SLC25A13: variants seen among roughly 807,000 people sequenced by gnomAD.
The protein encoded by SLC25A13 is electrogenic aspartate/glutamate antiporter SLC25A13, mitochondrial.
In SLC25A13, 70 loss-of-function variants were observed where a neutral mutation model predicts 85.5. That is an observed-to-expected ratio of 0.82 (90% CI 0.68 to 1.00). SLC25A13 has a LOEUF of 1.00. Among genes scored for constraint, SLC25A13 ranks in the 50% least tolerant of loss-of-function variants. The pLI, the probability that SLC25A13 is intolerant of heterozygous loss-of-function variation, is 0.00. For synonymous variants in SLC25A13, 259 were observed against 288.7 expected (o/e 0.90, Z 1.04); for missense variants, 765 against 819.8 (o/e 0.93, Z 0.82).
At chr7:96,257,170 A>G (rs2116883208) in intron 3 of SLC25A13, among the ~76,000 whole-genome samples, 1 of 152,324 alleles carries the variant, frequency 6.6e-6, no homozygotes, top group South Asian at 2.1e-4. Flanking sequence ...AGCAAGAGCA[A>G]ACACATTCGA....
intron 2 of SLC25A13, among the ~76,000 whole-genome samples, chr7:96,280,145 A>C (rs534712445): frequency 6.6e-6 from 1 of 152,188 alleles, no homozygotes; most frequent in Non-Finnish European, 1.5e-5. Flanking sequence ...TTGCAAGATT[A>C]CATGCTATAA....
In SLC25A13 at chr7:96,185,003, T is replaced by C. The variant is rs752114544; in HGVS notation, c.942A>G (p.Ser314=). Residue 314 remains serine (S), a synonymous_variant, in exon 10 of 18, where the codon TCA becomes TCG. Transcript: ENST00000265631. The part of the protein sequence containing the change: ...NLAEAQRQKA[S]GDSARPVLLQ... Reference sequence around the variant, plus strand: ...GAAGAACTGGTCGAGCTGAATCACCTGAGGCCTTCTGCTTTGCATGCACAG... The same window carrying C: ...GAAGAACTGGTCGAGCTGAATCACCCGAGGCCTTCTGCTTTGCATGCACAG... 1 of 1,613,890 alleles carries C rather than the reference T, an allele frequency of 6.2e-7. No homozygotes were observed. The highest frequency in any genetic ancestry group is 8.5e-7 in the Non-Finnish European group (1 of 1,179,900).
rs80338715 is a variant in SLC25A13 at position 96,321,942 on chromosome 7, C to T, written c.15G>A (p.Lys5=). 10 of 1,539,012 alleles carry T rather than the reference C, an allele frequency of 6.5e-6. No homozygotes were observed. In the East Asian group the frequency reaches 2.3e-4, roughly 36 times the overall value. Residue 5 remains lysine, a splice_region_variant and synonymous_variant, in exon 1 of 18, where the codon AAG becomes AAA. Transcript: ENST00000265631. ...CCCCCGGCCTCGGGCCCGCGGTTAC[C>T]TTGGCGGCCGCCATGATTCGCCCCG... MAAA[K]VALTKRADPA...
At chr7:96,162,333 T>TC (rs1793539687) in intron 13 of SLC25A13, among the ~76,000 whole-genome samples, 1 of 152,178 alleles carries the variant, frequency 6.6e-6, no homozygotes, top group African/African-American at 2.4e-5. Flanking sequence ...TGACTTTGAG[T>TC]ATATTTTATG....
At chr7:96,295,438 CAA>C (rs1158662214) in intron 2 of SLC25A13, among the ~76,000 whole-genome samples, 16 of 152,122 alleles carry the variant, frequency 1.1e-4, no homozygotes, top group Non-Finnish European at 4.4e-5. Flanking sequence ...TTCCCAATTT[CAA>C]AAGTTATCAT....
At chr7:96,205,286 G>A (rs1280376397) in intron 5 of SLC25A13, among the ~76,000 whole-genome samples, 1 of 152,166 alleles carries the variant, frequency 6.6e-6, no homozygotes, top group African/African-American at 2.4e-5. Flanking sequence ...AAAATACAAA[G>A]AATATTAAAA....
At chr7:96,125,522 C>T (rs765528317) in intron 15 of SLC25A13, among the ~76,000 whole-genome samples, 2 of 152,170 alleles carry the variant, frequency 1.3e-5, no homozygotes, top group South Asian at 2.1e-4. Context: ...AACATAATTA[C>T]GACTCAAGAC....
At chr7:96,237,218 T>C (rs1796777647) in intron 3 of SLC25A13, among the ~76,000 whole-genome samples, 1 of 152,246 alleles carries the variant, frequency 6.6e-6, no homozygotes, top group African/African-American at 2.4e-5. Context: ...CAATAAACTT[T>C]CTTGCTGCAA....
At chr7:96,221,198 T>C (rs1044287348) in intron 4 of SLC25A13, among the ~76,000 whole-genome samples, 1 of 152,172 alleles carries the variant, frequency 6.6e-6, no homozygotes, top group South Asian at 2.1e-4. Flanking sequence ...CTGGAACAGT[T>C]TCTGGACAGT....
chr7:96,168,617 A>G (rs963051638), intron 13 of SLC25A13, among the ~76,000 whole-genome samples: 2 of 152,046 alleles, frequency 1.3e-5, no homozygotes, highest in African/African-American at 4.8e-5. Context: ...AAGAAAATAA[A>G]CCTCTGGGCA....
intron 5 of SLC25A13, among the ~76,000 whole-genome samples, chr7:96,208,218 C>T (rs1259511087): frequency 6.6e-6 from 1 of 152,156 alleles, no homozygotes; most frequent in East Asian, 1.9e-4. Flanking sequence ...TTTTGCCCCT[C>T]CTGATCTAAG....
At chr7:96,207,350 A>T (rs975662901) in intron 5 of SLC25A13, among the ~76,000 whole-genome samples, 5 of 152,106 alleles carry the variant, frequency 3.3e-5, no homozygotes, top group African/African-American at 1.2e-4. Context: ...ACACCACAAA[A>T]TCTTTACCAA....
intron 11 of SLC25A13, among the ~76,000 whole-genome samples, chr7:96,179,165 G>A (rs1254353045): frequency 1.3e-5 from 2 of 152,164 alleles, no homozygotes; most frequent in Non-Finnish European, 1.5e-5. Flanking sequence ...TAGAAGTAAA[G>A]AGAATTGGGG....
chr7:96,125,382 G>C (rs796137902), intron 15 of SLC25A13, among the ~76,000 whole-genome samples: 12 of 152,312 alleles, frequency 7.9e-5, no homozygotes, highest in African/African-American at 2.9e-4. Context: ...ATGAGCTACT[G>C]TGCTGGGCCC....
chr7:96,190,628 T>A (rs1000844991), intron 7 of SLC25A13, among the ~76,000 whole-genome samples: 7 of 149,510 alleles, frequency 4.7e-5, no homozygotes, highest in African/African-American at 1.8e-4. Flanking sequence ...TTATTTATTT[T>A]TGAGATGGCA....
intron 3 of SLC25A13, among the ~76,000 whole-genome samples, chr7:96,257,832 C>T (rs1175099950): frequency 6.6e-6 from 1 of 152,286 alleles, no homozygotes; most frequent in East Asian, 1.9e-4. Flanking sequence ...TACTGGCAAA[C>T]CAAATCCAGC....
intron 2 of SLC25A13, among the ~76,000 whole-genome samples, chr7:96,296,168 A>C (rs1799337443): frequency 6.6e-6 from 1 of 152,012 alleles, no homozygotes; most frequent in African/African-American, 2.4e-5. Context: ...TCATAAAGTG[A>C]TGATAATGAT....
chr7:96,146,838 G>T (rs530359449), intron 13 of SLC25A13, 142 bp from the exon 14 acceptor site: 4 of 994,362 alleles, frequency 4.0e-6, no homozygotes, highest in Non-Finnish European at 6.3e-6. Flanking sequence ...CAATCAAAAC[G>T]GTTAGGGATT....
intron 14 of SLC25A13, among the ~76,000 whole-genome samples, chr7:96,146,169 G>C (rs1188852981): frequency 6.6e-6 from 1 of 152,130 alleles, no homozygotes; most frequent in Non-Finnish European, 1.5e-5. Context: ...TACATATATA[G>C]AGAAAACATG....
Sources: allele counts gnomAD v4.1 joint callset (sites outside exome capture counted in the v4.1 genomes callset), GRCh38; gene constraint gnomAD v4.1.1; transcripts MANE v1.5; gene names NCBI Gene and HGNC (gene_info 2026-07-23, HGNC 2026-07-21).